Variants in CNTNAP3 observed in about 807,000 individuals in gnomAD.
CNTNAP3 encodes contactin-associated protein-like 3.
A neutral mutation model predicts 92.1 loss-of-function variants in CNTNAP3; 36 were observed. That is an observed-to-expected ratio of 0.39 (90% CI 0.30 to 0.52). The LOEUF is 0.52. Among genes scored for constraint, CNTNAP3 ranks in the 20% least tolerant of loss-of-function variants. The probability of loss-of-function intolerance (pLI) is 0.76; values close to 1 mark genes in which losing one functional copy is unlikely to be tolerated. For synonymous variants in CNTNAP3, 232 were observed against 422.3 expected (o/e 0.55, Z 5.53); for missense variants, 534 against 1,069.6 (o/e 0.50, Z 6.98).
At position 39,217,381 on chromosome 9, in the gene CNTNAP3, T is replaced by TATATAC. The variant is rs1405258351; in HGVS notation, c.390+21611_390+21612insGTATAT. Among the ~76,000 whole-genome samples, 31 of 24,902 alleles carry TATATAC rather than the reference T, an allele frequency of 1.2e-3. 9 individuals are homozygous for TATATAC. The highest frequency in any genetic ancestry group is 2.0e-3 in the African/African-American group (31 of 15,474). 16.3% of individuals were successfully genotyped at this position (24,902 alleles called of 152,430 possible). A position where few individuals can be genotyped will look rare whatever the true frequency, so the allele number is the denominator to read the frequency against. ...GAGTATATATATATATATATATATATATATATATATATATATATATTCATT... is the reference window on the plus strand; with the variant it reads ...GAGTATATATATATATATATATATATATATACATATATATATATATATATATTCATT... On this transcript the variant is annotated intron_variant, in intron 3 of 23. Coordinates refer to ENST00000297668, the MANE Select transcript of CNTNAP3 (RefSeq NM_033655.5).
chr9:39,088,086 A>C (rs1826103694), intron 19 of CNTNAP3, among the ~76,000 whole-genome samples: 1 of 152,152 alleles, frequency 6.6e-6, no homozygotes, highest in African/African-American at 2.4e-5. Flanking sequence ...GAGGGAATGT[A>C]TGTCATGTAT....
At chr9:39,149,366 T>C (rs1821784335) in intron 10 of CNTNAP3, among the ~76,000 whole-genome samples, 1 of 152,100 alleles carries the variant, frequency 6.6e-6, no homozygotes, top group Non-Finnish European at 1.5e-5. Flanking sequence ...GTTTTTTTTT[T>C]TGAGACGCAG....
intron 11 of CNTNAP3, among the ~76,000 whole-genome samples, chr9:39,141,500 C>G (rs1433946579): frequency 6.6e-6 from 1 of 152,092 alleles, no homozygotes; most frequent in Non-Finnish European, 1.5e-5. Context: ...AAATTCAAAA[C>G]AGGAGAGAAA....
At chr9:39,140,479 G>C in intron 12 of CNTNAP3, 40 bp downstream of exon 12, 1 of 1,604,796 alleles carries the variant, frequency 6.2e-7, no homozygotes, top group South Asian at 1.1e-5. Flanking sequence ...ATTTCTCCTT[G>C]GTCTATTCTG....
chr9:39,125,046 G>C (rs1256855731), intron 13 of CNTNAP3, among the ~76,000 whole-genome samples: 5 of 152,046 alleles, frequency 3.3e-5, no homozygotes, highest in Non-Finnish European at 7.4e-5. Context: ...CTGCTATAAA[G>C]ACACATGCAC....
intron 12 of CNTNAP3, among the ~76,000 whole-genome samples, chr9:39,138,318 G>A (rs1448985729): frequency 6.6e-6 from 1 of 152,124 alleles, no homozygotes; most frequent in African/African-American, 2.4e-5. Flanking sequence ...GAGTCCTTTA[G>A]GGAGCCTTAG....
intron 9 of CNTNAP3, among the ~76,000 whole-genome samples, chr9:39,153,791 T>A (rs1490161762): frequency 8.2e-6 from 1 of 122,454 alleles, no homozygotes; most frequent in Non-Finnish European, 1.7e-5. Flanking sequence ...ATTACTAACC[T>A]CAGATGATCC....
Position 39,132,964 on chromosome 9 carries a change from C to A in CNTNAP3, c.2048G>T (p.Arg683Leu), listed in dbSNP as rs1227753900. The change falls in exon 13 of 24, where the codon CGC (arginine) becomes CTC (leucine). Residue 683 changes from arginine (R) to leucine (L), a missense_variant. Arg to Leu is a moderately radical substitution (Grantham distance 102). Coordinates refer to ENST00000297668, the MANE Select transcript of CNTNAP3 (RefSeq NM_033655.5). ...GTCCGGGCGCCGCGCCGTCCCGCAG[C>A]GCAGAGCCAGCCGCTGCTCGCAGCG... is the stretch of plus-strand genomic sequence containing the variant. ...AERCEQRLAL[R>L]CGTARRPDSR... The A allele has an allele frequency of 1.7e-5, 26 of 1,548,684 alleles. No individual in the cohort carries two copies. The highest frequency in any genetic ancestry group is 2.2e-5 in the Non-Finnish European group (25 of 1,157,218).
intron 13 of CNTNAP3, among the ~76,000 whole-genome samples, chr9:39,121,242 T>A (rs947594463): frequency 1.3e-5 from 2 of 151,640 alleles, no homozygotes; most frequent in Admixed American, 6.6e-5. Context: ...AAATTAAATT[T>A]GAAAGAAAGC....
chr9:39,150,081 G>A (rs1404972124), intron 9 of CNTNAP3, 104 bp from the exon 10 acceptor site: 21 of 750,672 alleles, frequency 2.8e-5, no homozygotes, highest in South Asian at 3.8e-5. Context: ...TATGGACATC[G>A]GTATGATGCG....
intron 13 of CNTNAP3, among the ~76,000 whole-genome samples, chr9:39,128,722 G>A (rs926805588): frequency 3.2e-4 from 48 of 151,818 alleles, no homozygotes; most frequent in African/African-American, 7.3e-5. Context: ...ACAGATTGAC[G>A]AGGCAGAAAT....
At chr9:39,077,480 C>T (rs1230086649) in intron 23 of CNTNAP3, among the ~76,000 whole-genome samples, 4 of 151,892 alleles carry the variant, frequency 2.6e-5, no homozygotes, top group Non-Finnish European at 5.9e-5. Context: ...TGGCGTGAAC[C>T]CGGGAGGCGG....
At chr9:39,102,407 A>T in intron 17 of CNTNAP3, 90 bp downstream of exon 17, 1 of 1,564,824 alleles carries the variant, frequency 6.4e-7, no homozygotes, top group South Asian at 1.2e-5. Flanking sequence ...GTTGTTGGCA[A>T]CTGTTGCTCT....
rs927732333 is a variant in CNTNAP3, at chr9:39,085,629, G to A, written c.3442+107C>T. 1.6e-4 allele frequency: 142 copies of A among 898,330 alleles called. 5 individuals carry two copies. The highest frequency in any genetic ancestry group is 2.1e-4 in the Non-Finnish European group (123 of 573,860). The allele number at this position is 898,330 out of a possible 1,614,324, so 55.6% of individuals were successfully genotyped here. A position where few individuals can be genotyped will look rare whatever the true frequency, so the allele number is the denominator to read the frequency against. On this transcript the variant is annotated intron_variant, in intron 21 of 23. Transcript: ENST00000297668. ...GTTTGCACCTTGATTGTCACTCACT[G>A]TGAAATTATTATTCAAGTAAGACAA...
intron 11 of CNTNAP3, among the ~76,000 whole-genome samples, chr9:39,143,437 G>C (rs1268216847): frequency 6.6e-6 from 1 of 152,030 alleles, no homozygotes; most frequent in Non-Finnish European, 1.5e-5. Context: ...AGGCATCCTG[G>C]AGCCAAGGCT....
chr9:39,138,554 C>A (rs145214282), intron 12 of CNTNAP3, among the ~76,000 whole-genome samples: 1 of 152,078 alleles, frequency 6.6e-6, no homozygotes, highest in Admixed American at 6.5e-5. Flanking sequence ...ACAGAAAGCT[C>A]TGGTGTACTT....
intron 23 of CNTNAP3, among the ~76,000 whole-genome samples, chr9:39,074,834 T>A (rs2118356821): frequency 6.6e-6 from 1 of 152,352 alleles, no homozygotes; most frequent in East Asian, 1.9e-4. Flanking sequence ...AGTGGCGCGA[T>A]CTCGGCTCAC....
chr9:39,065,703 T>C lies in CNTNAP3; in HGVS notation c.*8187A>G, dbSNP rs7028737. ...TAACTCACTGTGGTTTTAATTTGCATTTCCTTAATGACAAAACGATATTGA... is the reference window on the plus strand; with the variant it reads ...TAACTCACTGTGGTTTTAATTTGCACTTCCTTAATGACAAAACGATATTGA... On this transcript the variant is annotated 3_prime_UTR_variant, in exon 24 of 24. Transcript: ENST00000297668. Among the ~76,000 whole-genome samples the C allele has an allele frequency of 0.17, 25,214 of 146,548 alleles. 185 individuals are homozygous for C. The highest frequency in any genetic ancestry group is 0.23 in the East Asian group (1,134 of 4,828).
chr9:39,140,495 T>A, intron 12 of CNTNAP3, 24 bp downstream of exon 12: 1 of 1,612,760 alleles, frequency 6.2e-7, no homozygotes, highest in South Asian at 1.1e-5. Context: ...TTCTGATATA[T>A]GCATATAACG....
Sources: allele counts gnomAD v4.1 joint callset (sites outside exome capture counted in the v4.1 genomes callset), GRCh38; gene constraint gnomAD v4.1.1; transcripts MANE v1.5; gene names NCBI Gene and HGNC (gene_info 2026-07-23, HGNC 2026-07-21).